Variants in DENND2C observed in about 807,000 individuals in gnomAD.
DENND2C encodes DENN domain containing 2C.
A neutral mutation model predicts 112.4 loss-of-function variants in DENND2C; 72 were observed. The observed-to-expected ratio is 0.64, with a 90% CI of 0.53 to 0.78. The LOEUF is 0.78. Ranked by LOEUF, DENND2C falls within the 30% of genes least tolerant of loss-of-function variation. DENND2C has a pLI of 0.00. For synonymous variants in DENND2C, 329 were observed against 381.6 expected (o/e 0.86, Z 1.61); for missense variants, 992 against 1,113.8 (o/e 0.89, Z 1.56).
At chr1:114,594,724 A>T (rs1213448551) in intron 17 of DENND2C, 146 bp from the exon 18 acceptor site, 1 of 602,616 alleles carries the variant, frequency 1.7e-6, no homozygotes, top group African/African-American at 1.9e-5. Flanking sequence ...CCTTCCCTAC[A>T]TGAAGAATCT....
At chr1:114,619,477 G>A (rs760183668) in intron 7 of DENND2C, among the ~76,000 whole-genome samples, 8 of 151,858 alleles carry the variant, frequency 5.3e-5, no homozygotes, top group Non-Finnish European at 1.2e-4. Flanking sequence ...CCTGACAATC[G>A]ACAGGCAATG....
At chr1:114,636,218 TAGAAG>T (rs1292657299) in intron 3 of DENND2C, among the ~76,000 whole-genome samples, 1 of 151,886 alleles carries the variant, frequency 6.6e-6, no homozygotes, top group African/African-American at 2.4e-5. Context: ...AAATCGGAAA[TAGAAG>T]AGAATTTCCA....
At chr1:114,594,654 T>G in intron 17 of DENND2C, 76 bp from the exon 18 acceptor site, 1 of 1,259,810 alleles carries the variant, frequency 7.9e-7, no homozygotes, top group Admixed American at 2.0e-5. Context: ...GCCCTAGTTA[T>G]TTCTCCAAAA....
chr1:114,669,874 C>G (rs972871713), intron 1 of DENND2C, 109 bp downstream of exon 1: 1 of 152,262 alleles, frequency 6.6e-6, no homozygotes, highest in Non-Finnish European at 1.5e-5. Context: ...AGGACTACGC[C>G]GCGGCGCCAC....
rs150362171 is a variant in DENND2C, at chr1:114,634,864, T to C, written c.-204-8676A>G. On this transcript the variant is annotated intron_variant, in intron 3 of 20. Transcript: ENST00000393274. Reference sequence around the variant, plus strand: ...CAAACATGGCAAAACCCTGCCTCTATTAAAAATACAAAAATTAGCCAGGCG... The same window carrying C: ...CAAACATGGCAAAACCCTGCCTCTACTAAAAATACAAAAATTAGCCAGGCG... Among the ~76,000 whole-genome samples, 218 of 151,396 alleles carry C rather than the reference T, an allele frequency of 1.4e-3. 1 individual carries two copies. Among genetic ancestry groups the C allele is most frequent in the African/African-American group, 4.9e-3 (201 of 41,324 alleles).
At chr1:114,648,050 C>T (rs1170306414) in intron 2 of DENND2C, among the ~76,000 whole-genome samples, 1 of 152,176 alleles carries the variant, frequency 6.6e-6, no homozygotes, top group Non-Finnish European at 1.5e-5. Context: ...TCAGGTGATC[C>T]ACCCGCCTTG....
At position 114,584,853 on chromosome 1, in the gene DENND2C, A is replaced by G. The variant is rs1163318148; in HGVS notation, c.*747T>C. The G allele has an allele frequency of 2.0e-5, 3 of 152,176 alleles. No individual in the cohort carries two copies. The highest frequency in any genetic ancestry group is 4.1e-4 in the South Asian group (2 of 4,828). The allele number at this position is 152,176 out of a possible 1,614,324, so 9.4% of individuals were successfully genotyped here. A position where few individuals can be genotyped will look rare whatever the true frequency, so the allele number is the denominator to read the frequency against. ...ACTCCCACCCTCAAACTCCTGCCTTAGCCTCCCAAAGTGGTGGAGATTACA... is the reference window on the plus strand; with the variant it reads ...ACTCCCACCCTCAAACTCCTGCCTTGGCCTCCCAAAGTGGTGGAGATTACA... On this transcript the variant is annotated 3_prime_UTR_variant, in exon 21 of 21. Transcript: ENST00000393274.
intron 18 of DENND2C, 84 bp downstream of exon 18, chr1:114,594,389 A>G: frequency 8.8e-7 from 1 of 1,135,768 alleles, no homozygotes; most frequent in Admixed American, 1.9e-5. Context: ...ACTTTGGTAT[A>G]TCCTTTAACA....
intron 3 of DENND2C, 129 bp from the exon 4 acceptor site, chr1:114,626,317 T>A (rs1656342045): frequency 5.2e-6 from 1 of 191,696 alleles, no homozygotes; most frequent in Non-Finnish European, 1.1e-5. Context: ...ACCTGTAATC[T>A]ATTAAGTAAT....
At chr1:114,612,106 C>A (rs756231326) in intron 8 of DENND2C, among the ~76,000 whole-genome samples, 19 of 151,984 alleles carry the variant, frequency 1.3e-4, no homozygotes, top group Non-Finnish European at 2.8e-4. Context: ...TGGGAATAGG[C>A]AATTCATAGA....
At chr1:114,648,641 G>A (rs1657064947) in intron 2 of DENND2C, among the ~76,000 whole-genome samples, 1 of 152,040 alleles carries the variant, frequency 6.6e-6, no homozygotes, top group African/African-American at 2.4e-5. Flanking sequence ...CTCAAGACAG[G>A]GACTGAAACC....
In DENND2C at chr1:114,585,642, A is replaced by C; in HGVS notation, c.2756-11T>G. 6.2e-7 allele frequency: 1 copy of C among 1,612,666 alleles called. No individual in the cohort carries two copies. The highest frequency in any genetic ancestry group is 8.5e-7 in the Non-Finnish European group (1 of 1,178,740). ...ATTTCATTTTGCTTCCTAAAGGGAA[A>C]GAAAAGTACAGTGAATGCTCAATTC... On this transcript the variant is annotated splice_polypyrimidine_tract_variant and intron_variant, in intron 20 of 20. Transcript: ENST00000393274.
intron 9 of DENND2C, 110 bp from the exon 10 acceptor site, chr1:114,608,983 T>C (rs1655738757): frequency 2.6e-6 from 3 of 1,175,564 alleles, no homozygotes; most frequent in Non-Finnish European, 3.7e-6. Context: ...CACTGCTGAA[T>C]GAATGTTGAA....
In DENND2C at chr1:114,583,720, T is replaced by C. The variant is rs1483843787; in HGVS notation, c.*1880A>G. 1 of 151,546 alleles carries C rather than the reference T, an allele frequency of 6.6e-6. No homozygotes were observed. Among genetic ancestry groups the C allele is most frequent in the Non-Finnish European group, 1.5e-5 (1 of 68,084 alleles). 9.4% of individuals were successfully genotyped at this position (151,546 alleles called of 1,614,324 possible). ...TACTCAGGAGGCTGAGGCAGGAGAA[T>C]TGCTTGAAGCCGGGAGGCGGAGGTT... On this transcript the variant is annotated 3_prime_UTR_variant, in exon 21 of 21. Coordinates refer to ENST00000393274, the MANE Select transcript of DENND2C (RefSeq NM_001256404.2).
intron 2 of DENND2C, among the ~76,000 whole-genome samples, chr1:114,648,178 T>C (rs1346367001): frequency 2.6e-5 from 4 of 152,204 alleles, no homozygotes; most frequent in African/African-American, 9.7e-5. Context: ...TTTTATTATT[T>C]TGTGAATGGG....
intron 1 of DENND2C, among the ~76,000 whole-genome samples, chr1:114,661,047 G>T (rs1053939546): frequency 6.7e-6 from 1 of 149,226 alleles, no homozygotes; most frequent in African/African-American, 2.5e-5. Context: ...GGAGGCGGAG[G>T]TTGCAGTGAG....
At chr1:114,663,334 C>T (rs1657551032) in intron 1 of DENND2C, among the ~76,000 whole-genome samples, 1 of 152,180 alleles carries the variant, frequency 6.6e-6, no homozygotes, top group African/African-American at 2.4e-5. Flanking sequence ...GTAAAGAACA[C>T]TGAATATCAA....
intron 3 of DENND2C, among the ~76,000 whole-genome samples, chr1:114,640,264 C>T (rs1656797598): frequency 6.6e-6 from 1 of 152,184 alleles, no homozygotes; most frequent in Non-Finnish European, 1.5e-5. Flanking sequence ...GTTCCTGTGG[C>T]CCTCTGCTCA....
chr1:114,590,670 C>T lies in DENND2C; in HGVS notation c.2432-2718G>A, dbSNP rs370318514. Among the ~76,000 whole-genome samples the T allele has an allele frequency of 1.3e-3, 197 of 148,872 alleles. 1 individual carries two copies. Among genetic ancestry groups the T allele is most frequent in the African/African-American group, 4.3e-3 (175 of 40,432 alleles). On this transcript the variant is annotated intron_variant, in intron 18 of 20. Transcript: ENST00000393274. ...GCAGGCGCCTGTAATCCCAGCTATG[C>T]GGAAGGCTGAGGCAGGAGAATGGTG... is the stretch of plus-strand genomic sequence containing the variant.
Sources: allele counts gnomAD v4.1 joint callset (sites outside exome capture counted in the v4.1 genomes callset), GRCh38; gene constraint gnomAD v4.1.1; transcripts MANE v1.5; gene names NCBI Gene and HGNC (gene_info 2026-07-23, HGNC 2026-07-21).